Variants in TMEM150A observed in about 807,000 individuals in gnomAD.
TMEM150A encodes the protein transmembrane protein 150A.
A neutral mutation model predicts 29.8 loss-of-function variants in TMEM150A; 18 were observed. The observed-to-expected ratio is 0.60, with a 90% confidence interval of 0.42 to 0.90. TMEM150A has a LOEUF of 0.90. Among genes scored for constraint, TMEM150A ranks in the 40% least tolerant of loss-of-function variants. TMEM150A has a pLI of 0.00. For synonymous variants in TMEM150A, 127 were observed against 143.6 expected (o/e 0.88, Z 0.83); for missense variants, 251 against 349.7 (o/e 0.72, Z 2.25).
chr2:85,601,286 T>C lies in TMEM150A; in HGVS notation c.113+149A>G, dbSNP rs894068263. On this transcript the variant is annotated intron_variant, in intron 3 of 7. Coordinates refer to ENST00000334462, the MANE Select transcript of TMEM150A (RefSeq NM_001031738.3). The surrounding 1 kb of genome is among the most constrained non-coding windows in gnomAD (Gnocchi z 4.0). ...GGGCAAAGGGATAGTGGGAAGTGGG[T>C]AGGTGGCAAGAAGCCATGCCTGGGG... The C allele has an allele frequency of 8.4e-7, 1 of 1,186,626 alleles. No homozygotes were observed. The highest frequency in any genetic ancestry group is 2.3e-5 in the East Asian group (1 of 42,856). The allele number at this position is 1,186,626 out of a possible 1,614,324, so 73.5% of individuals were successfully genotyped here.
At position 85,601,095 on chromosome 2, in the gene TMEM150A, C is replaced by A. The variant is rs1370349966; in HGVS notation, c.126G>T (p.Glu42Asp). 1 of 1,612,842 alleles carries A rather than the reference C, an allele frequency of 6.2e-7. No individual in the cohort carries two copies. Among genetic ancestry groups the A allele is most frequent in the South Asian group, 1.1e-5 (1 of 91,030 alleles). ...VCPVENWSYN[E>D]SCPPDPAEQG... ...GCTCAGCAGGGTCAGGAGGGCAGGA[C>A]TCGTTGTAGGACCTGGCAGGCAGGA... Residue 42 changes from glutamate (E) to aspartate (D), a missense_variant, in exon 4 of 8, where the codon GAG (glutamate) becomes GAT (aspartate). Coordinates refer to ENST00000334462, the MANE Select transcript of TMEM150A (RefSeq NM_001031738.3). The surrounding 1 kb of genome is among the most constrained non-coding windows in gnomAD (Gnocchi z 4.0).
At position 85,599,274 on chromosome 2, in the gene TMEM150A, C is replaced by T; in HGVS notation, c.618G>A (p.Gly206=). 8 of 1,613,990 alleles carry T rather than the reference C, an allele frequency of 5.0e-6. No individual in the cohort carries two copies. Among genetic ancestry groups the T allele is most frequent in the Non-Finnish European group, 6.8e-6 (8 of 1,179,990 alleles). ...FVHESSQLQH[G]AALCEWVCVI... is the part of the protein sequence containing the mutation. ...CACACACCCACTCACACAGGGCTGC[C>T]CCATGTTGCAGCTGAGAACTCTCAT... Residue 206 remains glycine (G), a synonymous_variant, in exon 8 of 8, where the codon GGG becomes GGA. Transcript: ENST00000334462. The surrounding 1 kb of genome is among the most constrained non-coding windows in gnomAD (Gnocchi z 6.0).
intron 5 of TMEM150A, 122 bp from the exon 6 acceptor site, chr2:85,600,140 G>A: frequency 7.1e-7 from 1 of 1,405,844 alleles, no homozygotes; most frequent in Non-Finnish European, 9.6e-7. Context: ...GGAACAGACA[G>A]GCGGGTGGTG....
Position 85,602,001 on chromosome 2 carries a change from T to C in TMEM150A, c.-53A>G, listed in dbSNP as rs1171924981. 1.3e-5 allele frequency: 19 copies of C among 1,505,342 alleles called. No homozygotes were observed. In the Admixed American group the frequency reaches 3.2e-4, roughly 25 times the overall value. 93.2% of individuals were successfully genotyped at this position (1,505,342 alleles called of 1,614,324 possible). A position where few individuals can be genotyped will look rare whatever the true frequency, so the allele number is the denominator to read the frequency against. ...TGTTGGGGGGAGGACAAGAGGTAGATGGGGAAGTGGGGGCGGACCAGCTAC... is the reference window on the plus strand; with the variant it reads ...TGTTGGGGGGAGGACAAGAGGTAGACGGGGAAGTGGGGGCGGACCAGCTAC... On this transcript the variant is annotated 5_prime_UTR_variant, in exon 2 of 8. Transcript: ENST00000334462. The surrounding 1 kb of genome is among the most constrained non-coding windows in gnomAD (Gnocchi z 5.6).
chr2:85,602,599 G>C lies in TMEM150A; in HGVS notation c.-117+8C>G, dbSNP rs1287382492. The C allele has an allele frequency of 6.5e-6, 1 of 152,936 alleles. No individual in the cohort carries two copies. The highest frequency in any genetic ancestry group is 6.5e-5 in the Admixed American group (1 of 15,278). The allele number at this position is 152,936 out of a possible 1,614,324, so 9.5% of individuals were successfully genotyped here. ...AGCCCGGAGGAAGGGAAGGAGCCCA[G>C]TACGCACCTCCCCGGAGCGCCCCGC... On this transcript the variant is annotated splice_region_variant and intron_variant, in intron 1 of 7. Coordinates refer to ENST00000334462, the MANE Select transcript of TMEM150A (RefSeq NM_001031738.3). This position sits in a 1 kb window ranked among gnomAD's most constrained non-coding sequence, Gnocchi z 5.6.
At position 85,602,104 on chromosome 2, in the gene TMEM150A, C is replaced by A; in HGVS notation, c.-116-40G>T. ...TCAAAGTCCAGGAGTGGGTAACTGG[C>A]CGGGAAGGGGGAGGGGAAGGGGGTC... is the stretch of plus-strand genomic sequence containing the variant. On this transcript the variant is annotated intron_variant, in intron 1 of 7. Coordinates refer to ENST00000334462, the MANE Select transcript of TMEM150A (RefSeq NM_001031738.3). The surrounding 1 kb of genome is among the most constrained non-coding windows in gnomAD (Gnocchi z 5.6). 1.5e-6 allele frequency: 1 copy of A among 662,514 alleles called. No homozygotes were observed. The highest frequency in any genetic ancestry group is 2.7e-6 in the Non-Finnish European group (1 of 364,752). The allele number at this position is 662,514 out of a possible 1,614,324, so 41.0% of individuals were successfully genotyped here. A position where few individuals can be genotyped will look rare whatever the true frequency, so the allele number is the denominator to read the frequency against.
rs746669583 is a variant in TMEM150A at position 85,598,983 on chromosome 2, T to G, written c.*93A>C. Reference sequence around the variant, plus strand: ...TGAGGAAGCCCAGATCCCAACAGAATACTTTCTCAAAATTGTTTTTGGTAC... The same window carrying G: ...TGAGGAAGCCCAGATCCCAACAGAAGACTTTCTCAAAATTGTTTTTGGTAC... On this transcript the variant is annotated 3_prime_UTR_variant, in exon 8 of 8. Coordinates refer to ENST00000334462, the MANE Select transcript of TMEM150A (RefSeq NM_001031738.3). 7.8e-5 allele frequency: 119 copies of G among 1,530,708 alleles called. No homozygotes were observed. Among genetic ancestry groups the G allele is most frequent in the Non-Finnish European group, 9.7e-5 (110 of 1,135,152 alleles). The allele number at this position is 1,530,708 out of a possible 1,614,324, so 94.8% of individuals were successfully genotyped here.
rs1193530224 is a variant in TMEM150A, at chr2:85,599,665, C to T, written c.434G>A (p.Gly145Asp). Residue 145 changes from glycine to aspartate, a missense_variant, in exon 7 of 8, where the codon GGC becomes GAC. By Grantham distance (94) the Gly-to-Asp change is moderately conservative. Transcript: ENST00000334462. The surrounding 1 kb of genome is among the most constrained non-coding windows in gnomAD (Gnocchi z 6.0). ...HARSLHYVGA[G>D]VAFPAGLLFV... Reference sequence around the variant, plus strand: ...GAGCAGCCCCGCAGGGAAGGCCACGCCAGCTCCAACGTAGTGCAGAGACCT... The same window carrying T: ...GAGCAGCCCCGCAGGGAAGGCCACGTCAGCTCCAACGTAGTGCAGAGACCT... 6.2e-7 allele frequency: 1 copy of T among 1,613,522 alleles called. No homozygotes were observed. Among genetic ancestry groups the T allele is most frequent in the Middle Eastern group, 1.7e-4 (1 of 6,038 alleles).
rs1024139311 is a variant in TMEM150A, at chr2:85,601,873, C to G, written c.65+11G>C. The G allele has an allele frequency of 1.2e-6, 2 of 1,613,818 alleles. No homozygotes were observed. Among genetic ancestry groups the G allele is most frequent in the Non-Finnish European group, 1.7e-6 (2 of 1,179,784 alleles). Reference sequence around the variant, plus strand: ...GCTCCTGTTGCCCCCCGGGCACCCCCCTTTACTCACACAGTCCATATGCCA... The same window carrying G: ...GCTCCTGTTGCCCCCCGGGCACCCCGCTTTACTCACACAGTCCATATGCCA... On this transcript the variant is annotated intron_variant, in intron 2 of 7. Transcript: ENST00000334462. The surrounding 1 kb of genome is among the most constrained non-coding windows in gnomAD (Gnocchi z 4.0).
chr2:85,599,883 G>T lies in TMEM150A; in HGVS notation c.396+8C>A, dbSNP rs750155906. ...AGTTTAAGGTTTGCAGGGGAGAAGG[G>T]GAAGCACCTGAAAGTTGCCAACCAC... is the stretch of plus-strand genomic sequence containing the variant. On this transcript the variant is annotated splice_region_variant and intron_variant, in intron 6 of 7. Transcript: ENST00000334462. This position sits in a 1 kb window ranked among gnomAD's most constrained non-coding sequence, Gnocchi z 6.0. 6.2e-7 allele frequency: 1 copy of T among 1,613,230 alleles called. No individual in the cohort carries two copies. Among genetic ancestry groups the T allele is most frequent in the East Asian group, 2.2e-5 (1 of 44,876 alleles).
rs541232977 is a variant in TMEM150A at position 85,600,416 on chromosome 2, C to T, written c.201-4G>A. 65 of 1,613,846 alleles carry T rather than the reference C, an allele frequency of 4.0e-5. No individual in the cohort carries two copies. In the Middle Eastern group the frequency reaches 8.3e-4, roughly 21 times the overall value. On this transcript the variant is annotated splice_polypyrimidine_tract_variant and splice_region_variant and intron_variant, in intron 4 of 7. Coordinates refer to ENST00000334462, the MANE Select transcript of TMEM150A (RefSeq NM_001031738.3). ...TGGGGGATAGGAGCCACACTTGCTG[C>T]GAGGAGGGGGAAGGACAGAGTAAGA...
Position 85,602,105 on chromosome 2 carries a change from C to T in TMEM150A, c.-116-41G>A. 1.6e-6 allele frequency: 1 copy of T among 642,436 alleles called. No individual in the cohort carries two copies. The highest frequency in any genetic ancestry group is 2.8e-6 in the Non-Finnish European group (1 of 353,002). The allele number at this position is 642,436 out of a possible 1,614,324, so 39.8% of individuals were successfully genotyped here. ...CAAAGTCCAGGAGTGGGTAACTGGC[C>T]GGGAAGGGGGAGGGGAAGGGGGTCA... On this transcript the variant is annotated intron_variant, in intron 1 of 7. Transcript: ENST00000334462. This position sits in a 1 kb window ranked among gnomAD's most constrained non-coding sequence, Gnocchi z 5.6.
At position 85,601,166 on chromosome 2, in the gene TMEM150A, A is replaced by G. The variant is rs769651940; in HGVS notation, c.114-59T>C. ...GGGACTGCCCCCAGGCCCTTGGCCTATAGCCTCAGGCCTCAAAGAGGACTC... is the reference window on the plus strand; with the variant it reads ...GGGACTGCCCCCAGGCCCTTGGCCTGTAGCCTCAGGCCTCAAAGAGGACTC... On this transcript the variant is annotated intron_variant, in intron 3 of 7. Transcript: ENST00000334462. This position sits in a 1 kb window ranked among gnomAD's most constrained non-coding sequence, Gnocchi z 4.0. 8.4e-6 allele frequency: 13 copies of G among 1,547,752 alleles called. No individual in the cohort carries two copies. The highest frequency in any genetic ancestry group is 1.1e-5 in the South Asian group (1 of 88,590).
chr2:85,601,618 A>C lies in TMEM150A; in HGVS notation c.66-136T>G, dbSNP rs1672966672. On this transcript the variant is annotated intron_variant, in intron 2 of 7. Coordinates refer to ENST00000334462, the MANE Select transcript of TMEM150A (RefSeq NM_001031738.3). The surrounding 1 kb of genome is among the most constrained non-coding windows in gnomAD (Gnocchi z 4.0). ...GCTGGGGACTCAAGTTGAGGTCCCT[A>C]AGGCTTGATGCCACACCAGCACCTG... The C allele has an allele frequency of 2.9e-6, 3 of 1,019,032 alleles. No individual in the cohort carries two copies. Among genetic ancestry groups the C allele is most frequent in the Non-Finnish European group, 4.4e-6 (3 of 688,872 alleles). The allele number at this position is 1,019,032 out of a possible 1,614,324, so 63.1% of individuals were successfully genotyped here.
chr2:85,601,799 G>T lies in TMEM150A; in HGVS notation c.65+85C>A. Reference sequence around the variant, plus strand: ...TTTTGAGACACCCAGAGTGACCCTGGGTACCACCGTGGCTATGACAGGACA... The same window carrying T: ...TTTTGAGACACCCAGAGTGACCCTGTGTACCACCGTGGCTATGACAGGACA... On this transcript the variant is annotated intron_variant, in intron 2 of 7. Transcript: ENST00000334462. The surrounding 1 kb of genome is among the most constrained non-coding windows in gnomAD (Gnocchi z 4.0). 1 of 1,496,266 alleles carries T rather than the reference G, an allele frequency of 6.7e-7. No homozygotes were observed. The highest frequency in any genetic ancestry group is 9.2e-7 in the Non-Finnish European group (1 of 1,081,714). The allele number at this position is 1,496,266 out of a possible 1,614,324, so 92.7% of individuals were successfully genotyped here.
intron 5 of TMEM150A, 56 bp downstream of exon 5, chr2:85,600,289 C>CG: frequency 6.3e-7 from 1 of 1,595,814 alleles, no homozygotes; most frequent in Non-Finnish European, 8.6e-7. Context: ...CTGGGCCTTT[C>CG]TGTGTGGGGA....
chr2:85,600,533 T>C, intron 4 of TMEM150A, 121 bp from the exon 5 acceptor site: 1 of 715,428 alleles, frequency 1.4e-6, no homozygotes, highest in East Asian at 2.7e-5. Context: ...GGCCACTGAT[T>C]TATGTGAAGA....
At chr2:85,600,121 G>C in intron 5 of TMEM150A, 103 bp from the exon 6 acceptor site, 1 of 1,495,486 alleles carries the variant, frequency 6.7e-7, no homozygotes, top group East Asian at 2.4e-5. Flanking sequence ...CCCTTCTGAG[G>C]GGCAGAAAGG....
At chr2:85,600,095 G>T in intron 5 of TMEM150A, 77 bp from the exon 6 acceptor site, 2 of 1,574,912 alleles carry the variant, frequency 1.3e-6, no homozygotes, top group Non-Finnish European at 1.7e-6. Context: ...TCCCCCAGAC[G>T]CTGTGGTGCT....
Sources: allele counts gnomAD v4.1 joint callset, GRCh38; gene constraint gnomAD v4.1.1; non-coding constraint Gnocchi (gnomAD v3.1); transcripts MANE v1.5; gene names NCBI Gene and HGNC (gene_info 2026-07-23, HGNC 2026-07-21).